RORA: variants seen among roughly 807,000 people sequenced by gnomAD.
RORA encodes the protein nuclear receptor ROR-alpha.
A neutral mutation model predicts 69.5 loss-of-function variants in RORA; 7 were observed. The ratio of observed to expected loss-of-function variants is 0.10; its 90% CI spans 0.06 to 0.19. The LOEUF is 0.19. Ranked by LOEUF, RORA falls within the 10% of genes least tolerant of loss-of-function variation. The pLI is 1.00. For synonymous variants in RORA, 261 were observed against 240.8 expected (o/e 1.08, Z -0.78); for missense variants, 457 against 663.0 (o/e 0.69, Z 3.41).
intron 1 of RORA, among the ~76,000 whole-genome samples, chr15:61,107,272 A>T (rs2078960749): frequency 6.6e-6 from 1 of 152,304 alleles, no homozygotes; most frequent in African/African-American, 2.4e-5. Context: ...AAAGGTCTTA[A>T]ATCCAAGTAA....
intron 1 of RORA, among the ~76,000 whole-genome samples, chr15:61,026,106 G>A (rs1418704812): frequency 2.0e-5 from 3 of 152,098 alleles, no homozygotes; most frequent in African/African-American, 7.2e-5. Context: ...ATGCAAAATG[G>A]AGCTTTTGTA....
In RORA at chr15:60,491,885, A is replaced by G. The variant is rs2065046530; in HGVS notation, c.*5570T>C. The G allele has an allele frequency of 6.6e-6, 1 of 152,022 alleles. No individual in the cohort carries two copies. The highest frequency in any genetic ancestry group is 2.4e-5 in the African/African-American group (1 of 41,392). 9.4% of individuals were successfully genotyped at this position (152,022 alleles called of 1,614,324 possible). Reference sequence around the variant, plus strand: ...GATAGAATGAAGACCTGTATCATAGACTCTTACCAATAGATCAAGATTTAC... The same window carrying G: ...GATAGAATGAAGACCTGTATCATAGGCTCTTACCAATAGATCAAGATTTAC... On this transcript the variant is annotated 3_prime_UTR_variant, in exon 11 of 11. Coordinates refer to ENST00000335670, the MANE Select transcript of RORA (RefSeq NM_134261.3).
intron 2 of RORA, among the ~76,000 whole-genome samples, chr15:60,662,633 A>T (rs2070320832): frequency 1.9e-5 from 2 of 103,778 alleles, no homozygotes; most frequent in South Asian, 7.9e-4. Flanking sequence ...GAAGAACCTT[A>T]TTCAACAGAA....
chr15:60,692,710 T>A (rs2140777005), intron 1 of RORA, among the ~76,000 whole-genome samples: 1 of 152,278 alleles, frequency 6.6e-6, no homozygotes, highest in African/African-American at 2.4e-5. Context: ...TTGCCCCTCT[T>A]TGCATTCATG....
At chr15:60,788,994 A>G (rs2072379573) in intron 1 of RORA, among the ~76,000 whole-genome samples, 1 of 152,254 alleles carries the variant, frequency 6.6e-6, no homozygotes, top group South Asian at 2.1e-4. Flanking sequence ...CGTTACCCAC[A>G]GTGGCTGCGA....
intron 1 of RORA, among the ~76,000 whole-genome samples, chr15:61,113,819 C>A (rs2079028173): frequency 6.6e-6 from 1 of 152,208 alleles, no homozygotes; most frequent in African/African-American, 2.4e-5. Context: ...TTTAAGATGT[C>A]AAGTGCCATA....
intron 1 of RORA, among the ~76,000 whole-genome samples, chr15:61,125,520 A>T (rs543672787): frequency 6.6e-6 from 1 of 152,356 alleles, no homozygotes; most frequent in African/African-American, 2.4e-5. Context: ...GTTATACAGT[A>T]TATCAGATTG....
chr15:60,783,157 T>A (rs2140340483), intron 1 of RORA, among the ~76,000 whole-genome samples: 1 of 152,102 alleles, frequency 6.6e-6, no homozygotes, highest in South Asian at 2.1e-4. Flanking sequence ...AAAAAAGAAA[T>A]CAAACTGCAA....
intron 1 of RORA, among the ~76,000 whole-genome samples, chr15:60,990,469 A>G (rs1208134756): frequency 1.3e-5 from 2 of 152,228 alleles, no homozygotes; most frequent in African/African-American, 4.8e-5. Context: ...GTAATCAGAA[A>G]TGCTAAGAAA....
At chr15:60,634,399 C>CTTTTTTT (rs10604472) in intron 2 of RORA, among the ~76,000 whole-genome samples, 1 of 142,614 alleles carries the variant, frequency 7.0e-6, no homozygotes, top group Non-Finnish European at 1.5e-5. Context: ...AGTGCTACCA[C>CTTTTTTT]TTTTTTTTTT....
rs1259143341 is a variant in RORA, at chr15:60,798,244, AC to A, written c.167-119559del. Reference sequence around the variant, plus strand: ...CAGACACACACACACACACACACACACACACACACACACACACACACACACC... The same window carrying A: ...CAGACACACACACACACACACACACAACACACACACACACACACACACACC... On this transcript the variant is annotated intron_variant, in intron 1 of 10. Transcript: ENST00000335670. Among the ~76,000 whole-genome samples the A allele has an allele frequency of 2.0e-5, 3 of 147,770 alleles. No individual in the cohort carries two copies. In the East Asian group the frequency reaches 5.8e-4, roughly 29 times the overall value.
chr15:60,533,360 C>CTAAT, intron 2 of RORA, among the ~76,000 whole-genome samples: 1 of 152,204 alleles, frequency 6.6e-6, no homozygotes, highest in South Asian at 2.1e-4. Flanking sequence ...ACTTTGGACA[C>CTAAT]TAATAGGTAT....
chr15:61,127,742 T>C (rs940038401), intron 1 of RORA, among the ~76,000 whole-genome samples: 2 of 152,196 alleles, frequency 1.3e-5, no homozygotes, highest in African/African-American at 2.4e-5. Context: ...TTTTCAATAG[T>C]TGTCCTTGAG....
intron 1 of RORA, among the ~76,000 whole-genome samples, chr15:60,857,130 G>A (rs1010899902): frequency 7.9e-5 from 12 of 152,130 alleles, no homozygotes; most frequent in East Asian, 1.9e-4. Flanking sequence ...TTGCAGGCTC[G>A]TGGGCCAGCC....
At chr15:60,997,893 A>G (rs1375293149) in intron 1 of RORA, among the ~76,000 whole-genome samples, 1 of 152,234 alleles carries the variant, frequency 6.6e-6, no homozygotes, top group Admixed American at 6.5e-5. Flanking sequence ...CCTCAAGGAA[A>G]CCATTTATTA....
intron 1 of RORA, among the ~76,000 whole-genome samples, chr15:61,127,631 T>G (rs375228465): frequency 2.6e-5 from 4 of 152,260 alleles, no homozygotes; most frequent in African/African-American, 4.8e-5. Flanking sequence ...TTCTGGAGTT[T>G]CCTTTCAGTT....
chr15:60,872,551 T>C (rs1229546193), intron 1 of RORA, among the ~76,000 whole-genome samples: 1 of 152,140 alleles, frequency 6.6e-6, no homozygotes, highest in African/African-American at 2.4e-5. Flanking sequence ...AAGGTTTTGC[T>C]TGACATCTCC....
At chr15:60,678,726 CTG>C (rs1567152397) in intron 1 of RORA, 40 bp from the exon 2 acceptor site, 7 of 1,560,910 alleles carry the variant, frequency 4.5e-6, no homozygotes, top group Non-Finnish European at 8.8e-7. Flanking sequence ...AGAAAGTGCC[CTG>C]TGTGTGCTGC....
At chr15:60,884,212 G>C (rs998252441) in intron 1 of RORA, among the ~76,000 whole-genome samples, 1 of 151,486 alleles carries the variant, frequency 6.6e-6, no homozygotes. Context: ...AAGAGAGAGA[G>C]AGAGAGAAGG....
Sources: gnomAD v4.1 joint callset for allele counts (sites outside exome capture counted in the v4.1 genomes callset) on GRCh38, gnomAD v4.1.1 for gene constraint, MANE v1.5 for transcripts, NCBI Gene and HGNC (gene_info 2026-07-23, HGNC 2026-07-21) for gene names.